The following GNPDA2 variants were observed in gnomAD, a reference collection of about 807,000 sequenced individuals.
The protein encoded by GNPDA2 is glcN6P deaminase 2.
GNPDA2 carries 24 observed loss-of-function variants against 27.0 expected under a neutral mutation model. The observed-to-expected ratio is 0.89, with a 90% confidence interval of 0.64 to 1.25. The LOEUF is 1.25. Ranked by LOEUF, GNPDA2 falls within the 50% of genes most tolerant of loss-of-function variation. The pLI is 0.00. For synonymous variants in GNPDA2, 94 were observed against 108.4 expected, an observed-to-expected ratio of 0.87 and a Z score of 0.83; for missense variants, 286 against 335.1, an observed-to-expected ratio of 0.85 and a Z score of 1.14.
intron 1 of GNPDA2, among the ~76,000 whole-genome samples, chr4:44,724,480 G>C (rs1157493618): frequency 6.6e-6 from 1 of 152,140 alleles, no homozygotes; most frequent in African/African-American, 2.4e-5. Context: ...AAGTTGAACT[G>C]ACATTACCAT....
intron 4 of GNPDA2, among the ~76,000 whole-genome samples, chr4:44,712,276 T>C (rs1229891153): frequency 6.6e-6 from 1 of 152,154 alleles, no homozygotes; most frequent in Non-Finnish European, 1.5e-5. Flanking sequence ...ATATTCTGCA[T>C]ATTTACTTTA....
At chr4:44,717,808 T>C (rs1341380897) in intron 3 of GNPDA2, among the ~76,000 whole-genome samples, 6 of 151,896 alleles carry the variant, frequency 4.0e-5, no homozygotes, top group Non-Finnish European at 8.9e-5. Context: ...AAATACACAT[T>C]TCTATATTTA....
chr4:44,725,211 C>T (rs1110292), intron 1 of GNPDA2, among the ~76,000 whole-genome samples: 77,699 of 151,952 alleles, frequency 0.51, 21,242 homozygotes, highest in Non-Finnish European at 0.62. Flanking sequence ...CTTAGAATCA[C>T]TTGTCTCTGA....
At chr4:44,708,856 T>A (rs935805998) in intron 5 of GNPDA2, among the ~76,000 whole-genome samples, 1 of 152,170 alleles carries the variant, frequency 6.6e-6, no homozygotes, top group African/African-American at 2.4e-5. Flanking sequence ...CTCTGCACTC[T>A]CCTTGAATTA....
intron 1 of GNPDA2, among the ~76,000 whole-genome samples, chr4:44,723,622 T>A (rs1404621444): frequency 1.3e-5 from 2 of 152,292 alleles, no homozygotes; most frequent in East Asian, 3.9e-4. Flanking sequence ...CTTTATCCAA[T>A]CATTCACTGA....
chr4:44,703,629 T>TAGG, intron 6 of GNPDA2: 17 of 983,990 alleles, frequency 1.7e-5, no homozygotes, highest in Non-Finnish European at 2.1e-5. Flanking sequence ...TGACAAAGGT[T>TAGG]GATTACAAAT....
At chr4:44,721,478 A>G (rs2109721941) in intron 2 of GNPDA2, among the ~76,000 whole-genome samples, 1 of 152,294 alleles carries the variant, frequency 6.6e-6, no homozygotes, top group Admixed American at 6.5e-5. Flanking sequence ...AAAGTGCCAT[A>G]AGATCAAATG....
intron 6 of GNPDA2, chr4:44,705,643 A>T (rs1716553974): frequency 5.5e-6 from 1 of 183,120 alleles, no homozygotes; most frequent in Non-Finnish European, 1.0e-5. Flanking sequence ...AAAAAAGCAG[A>T]TGGAAATATG....
chr4:44,702,854 T>G lies in GNPDA2; in HGVS notation c.*227A>C. On this transcript the variant is annotated 3_prime_UTR_variant, in exon 7 of 7. Transcript: ENST00000295448. Reference sequence around the variant, plus strand: ...TTTATAGGTGGCTATGTGACTTCAGTACTTTATAATAAATAGCCAGTCAAT... The same window carrying G: ...TTTATAGGTGGCTATGTGACTTCAGGACTTTATAATAAATAGCCAGTCAAT... The G allele has an allele frequency of 7.3e-7, 1 of 1,373,592 alleles. No homozygotes were observed. Among genetic ancestry groups the G allele is most frequent in the East Asian group, 2.9e-5 (1 of 34,620 alleles). The allele number at this position is 1,373,592 out of a possible 1,614,324, so 85.1% of individuals were successfully genotyped here. A position where few individuals can be genotyped will look rare whatever the true frequency, so the allele number is the denominator to read the frequency against.
At position 44,721,501 on chromosome 4, in the gene GNPDA2, CG is replaced by C. The variant is rs1451187226; in HGVS notation, c.124+582del. ...ATAAGATCAAATGACACCACCTAGT[CG>C]TTTTTTAAGAGAATGCTTAATGGAA... is the stretch of plus-strand genomic sequence containing the variant. On this transcript the variant is annotated intron_variant, in intron 2 of 6. Coordinates refer to ENST00000295448, the MANE Select transcript of GNPDA2 (RefSeq NM_138335.3). 1.1e-4 allele frequency among the ~76,000 whole-genome samples: 17 copies of C among 151,974 alleles called. No individual in the cohort carries two copies. The East Asian group carries it at 2.1e-3, about 19-fold the overall frequency.
rs1236311386 is a variant in GNPDA2 at position 44,702,780 on chromosome 4, ACT to A, written c.*299_*300del. On this transcript the variant is annotated 3_prime_UTR_variant, in exon 7 of 7. Transcript: ENST00000295448. ...ATCACAAATGGTGCCTGATGTGGACACTCTACCTTTAAAATGACTTTTTAAAC... is the reference window on the plus strand; with the variant it reads ...ATCACAAATGGTGCCTGATGTGGACACTACCTTTAAAATGACTTTTTAAAC... The A allele has an allele frequency of 8.3e-7, 1 of 1,200,034 alleles. No homozygotes were observed. Among genetic ancestry groups the A allele is most frequent in the Non-Finnish European group, 1.0e-6 (1 of 966,412 alleles). 74.3% of individuals were successfully genotyped at this position (1,200,034 alleles called of 1,614,324 possible). A position where few individuals can be genotyped will look rare whatever the true frequency, so the allele number is the denominator to read the frequency against.
Position 44,718,349 on chromosome 4 carries a change from A to G in GNPDA2, c.186T>C (p.Ser62=), listed in dbSNP as rs1224329149. Residue 62 remains serine (S), a synonymous_variant, in exon 3 of 7, where the codon TCT becomes TCC. Transcript: ENST00000295448. ...LIEYHKNGHL[S]FKYVKTFNMD... is the part of the protein sequence containing the mutation. ...TATTAAAGGTCTTCACATATTTAAA[A>G]GAAAGGTGTCCATTCTTATGATATT... The G allele has an allele frequency of 7.3e-7, 1 of 1,370,766 alleles. No homozygotes were observed. Among genetic ancestry groups the G allele is most frequent in the Non-Finnish European group, 1.0e-6 (1 of 995,172 alleles). The allele number at this position is 1,370,766 out of a possible 1,614,324, so 84.9% of individuals were successfully genotyped here. A position where few individuals can be genotyped will look rare whatever the true frequency, so the allele number is the denominator to read the frequency against.
rs749489868 is a variant in GNPDA2, at chr4:44,726,540, G to C, written c.-102C>G. 1 of 152,334 alleles carries C rather than the reference G, an allele frequency of 6.6e-6. No individual in the cohort carries two copies. Among genetic ancestry groups the C allele is most frequent in the African/African-American group, 2.4e-5 (1 of 41,462 alleles). 9.4% of individuals were successfully genotyped at this position (152,334 alleles called of 1,614,324 possible). On this transcript the variant is annotated 5_prime_UTR_variant, in exon 1 of 7. Coordinates refer to ENST00000295448, the MANE Select transcript of GNPDA2 (RefSeq NM_138335.3). ...AAGCAACACCCAACCACCCGAGAGC[G>C]ACCCCAGCTGACCAGTGGAGCGCGA...
chr4:44,711,809 G>GTA (rs35046303), intron 4 of GNPDA2, among the ~76,000 whole-genome samples: 4,492 of 103,346 alleles, frequency 0.043, 228 homozygotes, highest in African/African-American at 0.13. Context: ...TTGCAATCTA[G>GTA]TATATATATA....
intron 2 of GNPDA2, among the ~76,000 whole-genome samples, chr4:44,721,595 A>C (rs2109722142): frequency 6.6e-6 from 1 of 151,998 alleles, no homozygotes; most frequent in Admixed American, 6.6e-5. Flanking sequence ...TACATCTATA[A>C]TAGAAGAAGC....
In GNPDA2 at chr4:44,707,944, T is replaced by C. The variant is rs1463414107; in HGVS notation, c.595-18A>G. ...ATCATTACCTGAAAAATTATGAACA[T>C]CAATTGTTAAAACTTGTTCCAAATG... On this transcript the variant is annotated intron_variant, in intron 5 of 6. Coordinates refer to ENST00000295448, the MANE Select transcript of GNPDA2 (RefSeq NM_138335.3). 2 of 1,534,382 alleles carry C rather than the reference T, an allele frequency of 1.3e-6. No homozygotes were observed. Among genetic ancestry groups the C allele is most frequent in the Non-Finnish European group, 1.8e-6 (2 of 1,131,202 alleles).
intron 4 of GNPDA2, 129 bp downstream of exon 4, chr4:44,716,984 G>T (rs949741872): frequency 4.0e-5 from 23 of 572,014 alleles, no homozygotes; most frequent in Non-Finnish European, 6.4e-5. Context: ...ATCAGTAGCA[G>T]AATAAACGCG....
chr4:44,722,889 G>A (rs768963455), intron 1 of GNPDA2, among the ~76,000 whole-genome samples: 1 of 152,126 alleles, frequency 6.6e-6, no homozygotes, highest in Non-Finnish European at 1.5e-5. Flanking sequence ...CACATAATTT[G>A]ACTAAGGTCA....
intron 5 of GNPDA2, among the ~76,000 whole-genome samples, chr4:44,710,707 G>A (rs1716920598): frequency 6.6e-6 from 1 of 152,124 alleles, no homozygotes; most frequent in African/African-American, 2.4e-5. Context: ...ACTGGAGCAG[G>A]AATAGGCAAG....
Sources: gnomAD v4.1 joint callset for allele counts (sites outside exome capture counted in the v4.1 genomes callset) on GRCh38, gnomAD v4.1.1 for gene constraint, MANE v1.5 for transcripts, NCBI Gene and HGNC (gene_info 2026-07-23, HGNC 2026-07-21) for gene names.